TMEM230: variants seen among roughly 807,000 people sequenced by gnomAD.
The protein encoded by TMEM230 is UPF0414 transmembrane protein C20orf30.
A neutral mutation model predicts 15.8 loss-of-function variants in TMEM230; 10 were observed. That is an observed-to-expected ratio of 0.63 (90% CI 0.39 to 1.07). The LOEUF is 1.07. Among genes scored for constraint, TMEM230 ranks in the 50% least tolerant of loss-of-function variants. The pLI is 0.01. For synonymous variants in TMEM230, 67 were observed against 76.9 expected (o/e 0.87, Z 0.68); for missense variants, 165 against 193.3 (o/e 0.85, Z 0.87).
intron 3 of TMEM230, among the ~76,000 whole-genome samples, chr20:5,073,612 G>A (rs2088897091): frequency 6.6e-6 from 1 of 152,230 alleles, no homozygotes; most frequent in African/African-American, 2.4e-5. Flanking sequence ...AGATAGGAAA[G>A]CCCAAAGGCT....
At chr20:5,069,178 G>T (rs1220999564) in exon 4 of TMEM230, 1 of 1,517,146 alleles carries the variant, frequency 6.6e-7, no homozygotes, top group Non-Finnish European at 8.8e-7. Flanking sequence ...TCAAATTAGA[G>T]GCACCAACCT....
rs752977839 is a variant in TMEM230 at position 5,112,966 on chromosome 20, C to T, written c.63G>A (p.Ala21=). 1 of 1,550,368 alleles carries T rather than the reference C, an allele frequency of 6.5e-7. No individual in the cohort carries two copies. Among genetic ancestry groups the T allele is most frequent in the Admixed American group, 2.0e-5 (1 of 51,066 alleles). The change falls in exon 1 of 5, where the codon GCG becomes GCA. Residue 21 remains alanine, a synonymous_variant. Coordinates refer to ENST00000342308, the MANE Select transcript of TMEM230 (RefSeq NM_001009923.2). ...CTGCCGCACACACGCCTTACCGGAG[C>T]GCCGCGCCAGGCCGCCCGCACACCC...
At chr20:5,099,768 C>T (rs141035253), downstream of TMEM230, 48 of 838,322 alleles carry the variant, frequency 5.7e-5, no homozygotes, top group African/African-American at 7.0e-4. Context: ...GTGTGACCCA[C>T]AATGCCAGCT....
chr20:5,109,319 C>T lies in TMEM230; in HGVS notation c.288+13G>A, dbSNP rs769198568. ...ACAGCCAGTCAGTCTTGTCAGTTCT[C>T]TTCTGCATTTACCTGAAGGTCAATG... is the stretch of plus-strand genomic sequence containing the variant. On this transcript the variant is annotated intron_variant, in intron 3 of 4. Transcript: ENST00000342308. 6.2e-7 allele frequency: 1 copy of T among 1,601,940 alleles called. No individual in the cohort carries two copies. The highest frequency in any genetic ancestry group is 1.1e-5 in the South Asian group (1 of 90,560).
At chr20:5,111,337 G>A (rs1472615827) in intron 2 of TMEM230, among the ~76,000 whole-genome samples, 2 of 151,468 alleles carry the variant, frequency 1.3e-5, no homozygotes, top group African/African-American at 4.9e-5. Context: ...CTGACCAGGC[G>A]CAGTGGCTCA....
rs2090171418 is a variant in TMEM230 at position 5,108,242 on chromosome 20, A to C, written c.288+1090T>G. On this transcript the variant is annotated intron_variant, in intron 3 of 4. Transcript: ENST00000342308. ...CAAGACCAGCCTGACCAACATGGAG[A>C]AACACTGTCTCTACTAAAAATACAA... 3.9e-5 allele frequency among the ~76,000 whole-genome samples: 6 copies of C among 152,200 alleles called. No individual in the cohort carries two copies. The South Asian group carries it at 1.2e-3, about 32-fold the overall frequency.
chr20:5,096,398 C>T (rs994068973), downstream of TMEM230, among the ~76,000 whole-genome samples: 4 of 152,202 alleles, frequency 2.6e-5, no homozygotes, highest in Non-Finnish European at 5.9e-5. Context: ...CATCACTGAA[C>T]TACATACCTG....
At chr20:5,112,363 T>C (rs2090360345) in intron 1 of TMEM230, among the ~76,000 whole-genome samples, 1 of 152,270 alleles carries the variant, frequency 6.6e-6, no homozygotes. Flanking sequence ...CATTTAATTC[T>C]ATAAAACAAA....
intron 3 of TMEM230, among the ~76,000 whole-genome samples, chr20:5,076,676 C>CTTTTTT (rs763498321): frequency 0.027 from 3,472 of 127,308 alleles, 281 homozygotes; most frequent in African/African-American, 0.1. Context: ...GATTGATATT[C>CTTTTTT]TTTTTTTTTT....
chr20:5,089,047 G>A (rs536266858), intron 3 of TMEM230, among the ~76,000 whole-genome samples: 1 of 152,316 alleles, frequency 6.6e-6, no homozygotes, highest in Admixed American at 6.5e-5. Context: ...GCTGTAAAAT[G>A]TGAAAAAGGG....
intron 4 of TMEM230, among the ~76,000 whole-genome samples, chr20:5,101,491 A>G (rs1196643157): frequency 6.6e-6 from 1 of 152,054 alleles, no homozygotes; most frequent in African/African-American, 2.4e-5. Context: ...GTGTGATTAC[A>G]GCTCACTGCA....
chr20:5,068,993 G>A, exon 4 of TMEM230: 1 of 561,812 alleles, frequency 1.8e-6, no homozygotes, highest in Non-Finnish European at 3.1e-6. Flanking sequence ...TTGCATAGGG[G>A]GTAGAGGGCA....
At chr20:5,088,354 CA>C (rs1445863582) in intron 3 of TMEM230, among the ~76,000 whole-genome samples, 2 of 149,970 alleles carry the variant, frequency 1.3e-5, no homozygotes, top group African/African-American at 4.9e-5. Context: ...TAATTCAAAC[CA>C]ACCTCCCTTA....
Position 5,100,669 on chromosome 20 carries a change from G to C in TMEM230, c.*122C>G, listed in dbSNP as rs532000393. The C allele has an allele frequency of 2.0e-6, 3 of 1,483,508 alleles. No individual in the cohort carries two copies. The highest frequency in any genetic ancestry group is 2.7e-6 in the Non-Finnish European group (3 of 1,118,638). 91.9% of individuals were successfully genotyped at this position (1,483,508 alleles called of 1,614,324 possible). Reference sequence around the variant, plus strand: ...CTTTGGGAAGGACCCAAAAAATCTGGCCATTATTTTCTTAAACATCTGCAA... The same window carrying C: ...CTTTGGGAAGGACCCAAAAAATCTGCCCATTATTTTCTTAAACATCTGCAA... On this transcript the variant is annotated 3_prime_UTR_variant, in exon 5 of 5. Transcript: ENST00000342308.
intron 4 of TMEM230, 71 bp from the exon 4 acceptor site, chr20:5,101,002 C>T (rs1459384824): frequency 5.1e-6 from 8 of 1,573,650 alleles, no homozygotes; most frequent in Non-Finnish European, 6.0e-6. Context: ...CGTCACAGAC[C>T]TAATCCTTAG....
downstream of TMEM230, among the ~76,000 whole-genome samples, chr20:5,097,873 G>A (rs901676207): frequency 4.1e-5 from 6 of 145,866 alleles, no homozygotes; most frequent in African/African-American, 1.3e-4. Context: ...GGCCTCCCAA[G>A]TGCTGGGATT....
intron 3 of TMEM230, among the ~76,000 whole-genome samples, chr20:5,093,775 T>C (rs6139621): frequency 0.69 from 104,800 of 152,066 alleles, 36,942 homozygotes; most frequent in East Asian, 0.84. Context: ...TGGCTTCAAG[T>C]GATGTGACTG....
intron 3 of TMEM230, among the ~76,000 whole-genome samples, chr20:5,076,591 C>T (rs2122569615): frequency 6.6e-6 from 1 of 151,396 alleles, no homozygotes; most frequent in East Asian, 1.9e-4. Flanking sequence ...ATGGACTCAC[C>T]AATTTGTATT....
chr20:5,111,838 C>CT lies in TMEM230; in HGVS notation c.69-234dup, dbSNP rs368251336. On this transcript the variant is annotated intron_variant, in intron 1 of 4. Coordinates refer to ENST00000342308, the MANE Select transcript of TMEM230 (RefSeq NM_001009923.2). The stretch of plus-strand genomic sequence containing the variant: ...TTCCAAAAAATAACAAATTGTTTTT[C>CT]TTTTTTTTTGGTGTTTTCTTTTTTT... The CT allele has an allele frequency of 9.7e-3, 9,114 of 943,858 alleles. 42 individuals are homozygous for CT. Among genetic ancestry groups the CT allele is most frequent in the Admixed American group, 0.035 (565 of 15,986 alleles). The allele number at this position is 943,858 out of a possible 1,614,324, so 58.5% of individuals were successfully genotyped here. A position where few individuals can be genotyped will look rare whatever the true frequency, so the allele number is the denominator to read the frequency against.
Sources: allele counts gnomAD v4.1 joint callset (sites outside exome capture counted in the v4.1 genomes callset), GRCh38; gene constraint gnomAD v4.1.1; transcripts MANE v1.5; gene names NCBI Gene and HGNC (gene_info 2026-07-23, HGNC 2026-07-21).